SLC12A2: variants seen among roughly 807,000 people sequenced by gnomAD.
The protein encoded by SLC12A2 is Na-K-2Cl cotransporter 1.
In SLC12A2, 67 loss-of-function variants were observed where a neutral mutation model predicts 136.3. That is an observed-to-expected ratio of 0.49 (90% confidence interval 0.40 to 0.60). The LOEUF is 0.60. SLC12A2 is among the 20% of genes least tolerant of loss of function. The probability of loss-of-function intolerance (pLI) is 0.00; values close to 1 mark genes in which losing one functional copy is unlikely to be tolerated. For synonymous variants in SLC12A2, 619 were observed against 562.9 expected, an observed-to-expected ratio of 1.10 and a Z score of -1.41; for missense variants, 1,322 against 1,534.7, an observed-to-expected ratio of 0.86 and a Z score of 2.32.
intron 17 of SLC12A2, among the ~76,000 whole-genome samples, chr5:128,162,502 C>A (rs908627813): frequency 6.6e-6 from 1 of 151,842 alleles, no homozygotes; most frequent in Non-Finnish European, 1.5e-5. Context: ...AATTCTAAAA[C>A]AATTTTATGA....
intron 4 of SLC12A2, among the ~76,000 whole-genome samples, chr5:128,117,897 G>T (rs910547161): frequency 1.3e-5 from 2 of 152,010 alleles, no homozygotes; most frequent in Non-Finnish European, 2.9e-5. Flanking sequence ...ATCAAAAAAT[G>T]GGCAAAGGAC....
At position 128,182,852 on chromosome 5, in the gene SLC12A2, T is replaced by C. The variant is rs150227990; in HGVS notation, c.3213-3T>C. On this transcript the variant is annotated splice_polypyrimidine_tract_variant and splice_region_variant and intron_variant, in intron 23 of 26. Coordinates refer to ENST00000262461, the MANE Select transcript of SLC12A2 (RefSeq NM_001046.3). ...ATCTTAATTCTATTTATTTTTGTTG[T>C]AGGATGGCTACTTTGCTTAGCAAGT... 2.5e-6 allele frequency: 4 copies of C among 1,602,590 alleles called. No individual in the cohort carries two copies. In the African/African-American group the frequency reaches 5.4e-5, roughly 21 times the overall value.
chr5:128,174,488 T>A (rs978976749), intron 19 of SLC12A2, 53 bp from the exon 20 acceptor site: 3 of 1,372,596 alleles, frequency 2.2e-6, no homozygotes, highest in Non-Finnish European at 3.0e-6. Context: ...AATGCCTTAT[T>A]TAACAGTTAA....
At chr5:128,178,836 C>T (rs545506334) in intron 22 of SLC12A2, 147 bp downstream of exon 22, 32 of 524,502 alleles carry the variant, frequency 6.1e-5, no homozygotes, top group Non-Finnish European at 1.0e-4. Context: ...GAATCAGGCA[C>T]AGCCTTTAGT....
intron 18 of SLC12A2, chr5:128,170,271 A>G (rs1763331235): frequency 6.6e-6 from 1 of 152,310 alleles, no homozygotes; most frequent in South Asian, 2.1e-4. Flanking sequence ...TAAAATGCTT[A>G]TAGTTATTTT....
chr5:128,184,044 A>T (rs1359838185), intron 24 of SLC12A2, among the ~76,000 whole-genome samples: 1 of 152,052 alleles, frequency 6.6e-6, no homozygotes, highest in African/African-American at 2.4e-5. Context: ...AAAATCAGAA[A>T]TTTAAAATGT....
chr5:128,157,688 G>C (rs754271767), intron 15 of SLC12A2, among the ~76,000 whole-genome samples: 1 of 152,074 alleles, frequency 6.6e-6, no homozygotes, highest in Non-Finnish European at 1.5e-5. Context: ...AGTGCTCGCA[G>C]GAAGTTATGC....
chr5:128,095,606 A>T (rs1270636968), intron 1 of SLC12A2, among the ~76,000 whole-genome samples: 1 of 152,152 alleles, frequency 6.6e-6, no homozygotes, highest in Non-Finnish European at 1.5e-5. Context: ...TGCGGGCCAC[A>T]TGTGGCCCAG....
At chr5:128,085,898 A>G (rs979819725) in intron 1 of SLC12A2, among the ~76,000 whole-genome samples, 2 of 152,214 alleles carry the variant, frequency 1.3e-5, no homozygotes, top group Non-Finnish European at 2.9e-5. Flanking sequence ...GCTTTAGATA[A>G]TACTATTCTT....
chr5:128,111,720 G>A (rs868495786), intron 1 of SLC12A2, among the ~76,000 whole-genome samples: 29 of 149,862 alleles, frequency 1.9e-4, no homozygotes, highest in Middle Eastern at 6.8e-3. Context: ...AGCTGAGATC[G>A]CGCCACTGCA....
At position 128,165,931 on chromosome 5, in the gene SLC12A2, C is replaced by G. The variant is rs866511712; in HGVS notation, c.2617-1830C>G. Among the ~76,000 whole-genome samples the G allele has an allele frequency of 1.3e-3, 189 of 141,948 alleles. 4 individuals are homozygous for G. In the Middle Eastern group the frequency reaches 0.029, roughly 22 times the overall value. The allele number at this position is 141,948 out of a possible 152,430, so 93.1% of individuals were successfully genotyped here. A position where few individuals can be genotyped will look rare whatever the true frequency, so the allele number is the denominator to read the frequency against. ...TTTTCTTTTACCTCCCCCCCCCCCC[C>G]CCAGTTAAAAATATGCTGTGTGGTT... On this transcript the variant is annotated intron_variant, in intron 17 of 26. Coordinates refer to ENST00000262461, the MANE Select transcript of SLC12A2 (RefSeq NM_001046.3).
At chr5:128,102,779 A>G (rs1581060407) in intron 1 of SLC12A2, among the ~76,000 whole-genome samples, 1 of 149,074 alleles carries the variant, frequency 6.7e-6, no homozygotes, top group African/African-American at 2.5e-5. Flanking sequence ...TGCCTGGCTA[A>G]CTTTTTTTTT....
At chr5:128,094,570 T>A (rs1416099426) in intron 1 of SLC12A2, among the ~76,000 whole-genome samples, 2 of 151,964 alleles carry the variant, frequency 1.3e-5, no homozygotes, top group East Asian at 3.9e-4. Context: ...TTTTAAATAC[T>A]CATGACAAAT....
chr5:128,177,123 A>G lies in SLC12A2; in HGVS notation c.2948A>G (p.Lys983Arg). ...AATCTAGTTGAGGAAGAGGATGGCA[A>G]GACTGCAACTCAACCACTGTTGAAA... ...ITHKVEEEDG[K>R]TATQPLLKKE... Residue 983 changes from lysine to arginine, a missense_variant, in exon 21 of 27, where the codon AAG becomes AGG. Physicochemically the swap from Lys to Arg is conservative, Grantham distance 26 (BLOSUM62 2). Around this residue, in one of 8 missense-constraint regions of SLC12A2, gnomAD observed 226 missense variants for 210.4 expected, o/e 1.07. Coordinates refer to ENST00000262461, the MANE Select transcript of SLC12A2 (RefSeq NM_001046.3). 6.3e-7 allele frequency: 1 copy of G among 1,588,912 alleles called. No homozygotes were observed. Among genetic ancestry groups the G allele is most frequent in the Non-Finnish European group, 8.5e-7 (1 of 1,171,328 alleles).
intron 7 of SLC12A2, among the ~76,000 whole-genome samples, 181 bp from the exon 8 acceptor site, chr5:128,138,416 T>C (rs1401556574): frequency 6.6e-6 from 1 of 152,198 alleles, no homozygotes; most frequent in Non-Finnish European, 1.5e-5. Flanking sequence ...ATTTTGATGG[T>C]AAACCATTGT....
In SLC12A2 at chr5:128,152,178, A is replaced by T. The variant is rs11953889; in HGVS notation, c.2264-528A>T. On this transcript the variant is annotated intron_variant, in intron 14 of 26. Coordinates refer to ENST00000262461, the MANE Select transcript of SLC12A2 (RefSeq NM_001046.3). Reference sequence around the variant, plus strand: ...ATGAAATAATGAGCTTTTAGATTAAAGTGGTAGCTCCAGAAATGAAATAAA... The same window carrying T: ...ATGAAATAATGAGCTTTTAGATTAATGTGGTAGCTCCAGAAATGAAATAAA... Among the ~76,000 whole-genome samples the T allele has an allele frequency of 7.3e-3, 1,112 of 152,300 alleles. 14 individuals are homozygous for T. The highest frequency in any genetic ancestry group is 0.025 in the African/African-American group (1,039 of 41,572).
At chr5:128,114,371 T>TA (rs1476567181) in intron 3 of SLC12A2, 84 bp downstream of exon 3, 2 of 1,061,632 alleles carry the variant, frequency 1.9e-6, no homozygotes, top group African/African-American at 3.2e-5. Flanking sequence ...CTCAAGAAAT[T>TA]AGAGTCATTT....
intron 7 of SLC12A2, 88 bp downstream of exon 7, chr5:128,135,896 TA>T (rs1762175750): frequency 1.3e-6 from 1 of 797,146 alleles, no homozygotes; most frequent in East Asian, 2.7e-5. Context: ...AGATATTTTG[TA>T]ACAGAATTGA....
At chr5:128,091,046 G>A (rs1760295970) in intron 1 of SLC12A2, among the ~76,000 whole-genome samples, 1 of 152,140 alleles carries the variant, frequency 6.6e-6, no homozygotes, top group African/African-American at 2.4e-5. Context: ...GGGGGCAAGA[G>A]TAGAAGGCAG....
Sources: allele counts gnomAD v4.1 joint callset (sites outside exome capture counted in the v4.1 genomes callset), GRCh38; gene constraint gnomAD v4.1.1; regional missense constraint gnomAD v4.1.1; transcripts MANE v1.5; gene names NCBI Gene and HGNC (gene_info 2026-07-23, HGNC 2026-07-21).